Variants in SNTG2 observed in about 807,000 individuals in gnomAD.
The protein encoded by SNTG2 is gamma-2-syntrophin.
Under a neutral mutation model 70.9 loss-of-function variants are expected in SNTG2, and 74 were observed. The observed-to-expected ratio is 1.04, with a 90% confidence interval of 0.86 to 1.27. The LOEUF (loss-of-function observed/expected upper bound fraction) is 1.27. Among genes scored for constraint, SNTG2 ranks in the 50% most tolerant of loss-of-function variants. The pLI is 0.00. For missense variants in SNTG2, 717 were observed against 690.7 expected, an observed-to-expected ratio of 1.04 and a Z score of -0.43; for synonymous variants, 278 against 273.8, an observed-to-expected ratio of 1.02 and a Z score of -0.15.
chr2:1,182,360 C>CAAAAAAAAAAAA (rs10587246), intron 8 of SNTG2, among the ~76,000 whole-genome samples: 1 of 122,058 alleles, frequency 8.2e-6, no homozygotes, highest in Non-Finnish European at 1.6e-5. Context: ...TTAAAAATTT[C>CAAAAAAAAAAAA]AAAAAAAAAA....
intron 1 of SNTG2, among the ~76,000 whole-genome samples, chr2:981,719 C>T (rs1387668102): frequency 2.6e-5 from 4 of 152,252 alleles, no homozygotes; most frequent in South Asian, 2.1e-4. Flanking sequence ...ACAAACAAGT[C>T]GTACACACAT....
intron 1 of SNTG2, among the ~76,000 whole-genome samples, chr2:965,098 T>A (rs189961493): frequency 6.7e-6 from 1 of 148,186 alleles, no homozygotes; most frequent in East Asian, 2.1e-4. Context: ...GGACTCCAGT[T>A]CTCCTCCTTG....
chr2:1,199,710 A>G (rs777951125), intron 8 of SNTG2, among the ~76,000 whole-genome samples: 7 of 152,118 alleles, frequency 4.6e-5, no homozygotes, highest in Non-Finnish European at 8.8e-5. Flanking sequence ...AACCAGTAGT[A>G]TTTCTCAATA....
At position 1,241,771 on chromosome 2, in the gene SNTG2, C is replaced by T. The variant is rs141641756; in HGVS notation, c.888+1995C>T. 3.1e-3 allele frequency among the ~76,000 whole-genome samples: 471 copies of T among 152,234 alleles called. 7 individuals carry two copies. Among genetic ancestry groups the T allele is most frequent in the East Asian group, 4.1e-3 (21 of 5,162 alleles). On this transcript the variant is annotated intron_variant, in intron 11 of 16. Coordinates refer to ENST00000308624, the MANE Select transcript of SNTG2 (RefSeq NM_018968.4). ...TTCCAGAGACCTCAGAGGCAGTGGG[C>T]GGCCTTGTTTTTGCTTCATCTCAGT...
intron 6 of SNTG2, among the ~76,000 whole-genome samples, chr2:1,148,756 G>C (rs1339114718): frequency 1.3e-5 from 2 of 152,172 alleles, no homozygotes; most frequent in African/African-American, 4.8e-5. Flanking sequence ...CTTCCAAGCC[G>C]GACCCACATA....
chr2:1,074,999 T>TA, intron 1 of SNTG2, among the ~76,000 whole-genome samples: 1 of 152,144 alleles, frequency 6.6e-6, no homozygotes. Context: ...TCATTTTAAG[T>TA]AAAAAATCCA....
At chr2:1,087,118 C>T (rs755188311) in intron 2 of SNTG2, among the ~76,000 whole-genome samples, 3 of 152,092 alleles carry the variant, frequency 2.0e-5, no homozygotes, top group Non-Finnish European at 4.4e-5. Flanking sequence ...GACAAGTCTA[C>T]GTAAGTGCTG....
intron 9 of SNTG2, among the ~76,000 whole-genome samples, chr2:1,226,997 T>C (rs1227121755): frequency 6.6e-6 from 1 of 152,256 alleles, no homozygotes; most frequent in African/African-American, 2.4e-5. Context: ...CTTGCTTCCC[T>C]GGACAGAAAG....
At chr2:1,339,280 T>A (rs1027971376) in intron 16 of SNTG2, among the ~76,000 whole-genome samples, 1 of 152,232 alleles carries the variant, frequency 6.6e-6, no homozygotes, top group African/African-American at 2.4e-5. Flanking sequence ...CTAAGATATA[T>A]GATGTGTAAA....
At chr2:1,184,733 C>T (rs1425963026) in intron 8 of SNTG2, among the ~76,000 whole-genome samples, 1 of 152,210 alleles carries the variant, frequency 6.6e-6, no homozygotes, top group Non-Finnish European at 1.5e-5. Context: ...TCAATCACCT[C>T]CCATCAGGCC....
intron 14 of SNTG2, among the ~76,000 whole-genome samples, chr2:1,271,634 T>C (rs1032714218): frequency 6.6e-6 from 1 of 152,088 alleles, no homozygotes; most frequent in African/African-American, 2.4e-5. Context: ...AGTTTTGAGG[T>C]CTAGATTGTG....
intron 14 of SNTG2, among the ~76,000 whole-genome samples, chr2:1,290,294 G>GTTCT (rs1679936451): frequency 1.3e-5 from 2 of 150,126 alleles, no homozygotes; most frequent in South Asian, 4.3e-4. Flanking sequence ...CAGAGAGGGA[G>GTTCT]CATGAAGGGG....
chr2:1,230,110 C>G (rs1192483686), intron 9 of SNTG2, among the ~76,000 whole-genome samples: 1 of 152,218 alleles, frequency 6.6e-6, no homozygotes, highest in Non-Finnish European at 1.5e-5. Flanking sequence ...AGAGGAGGCG[C>G]CGAGAGCGAG....
At chr2:1,076,476 G>C (rs1404584980) in intron 1 of SNTG2, among the ~76,000 whole-genome samples, 1 of 152,142 alleles carries the variant, frequency 6.6e-6, no homozygotes, top group Non-Finnish European at 1.5e-5. Context: ...ATAACAACTT[G>C]CATACATTTT....
At chr2:1,299,615 C>G (rs73177775) in intron 14 of SNTG2, among the ~76,000 whole-genome samples, 2,535 of 152,288 alleles carry the variant, frequency 0.017, 62 homozygotes, top group African/African-American at 0.059. Flanking sequence ...AAATAAGATA[C>G]TGGGGGCTAA....
At chr2:1,289,088 C>T (rs1679885679) in intron 14 of SNTG2, among the ~76,000 whole-genome samples, 1 of 152,072 alleles carries the variant, frequency 6.6e-6, no homozygotes, top group African/African-American at 2.4e-5. Flanking sequence ...GCCATCATCT[C>T]TGCTTGGCTT....
At chr2:1,092,392 G>A (rs1665091548) in intron 2 of SNTG2, among the ~76,000 whole-genome samples, 1 of 152,178 alleles carries the variant, frequency 6.6e-6, no homozygotes, top group Non-Finnish European at 1.5e-5. Context: ...TGGGGAGAGA[G>A]CAGGGGGATT....
At chr2:1,137,837 CTGTT>C (rs1668497464) in intron 6 of SNTG2, 28 bp downstream of exon 6, 1 of 1,575,976 alleles carries the variant, frequency 6.3e-7, no homozygotes, top group Non-Finnish European at 8.7e-7. Context: ...TATAGTTATT[CTGTT>C]TATTATTCTT....
At chr2:1,139,507 A>T (rs1411606953) in intron 6 of SNTG2, among the ~76,000 whole-genome samples, 1 of 152,084 alleles carries the variant, frequency 6.6e-6, no homozygotes, top group Non-Finnish European at 1.5e-5. Context: ...AAGTGCTGGG[A>T]TTACAGGTGT....
Sources: gnomAD v4.1 joint callset for allele counts (sites outside exome capture counted in the v4.1 genomes callset) on GRCh38, gnomAD v4.1.1 for gene constraint, MANE v1.5 for transcripts, NCBI Gene and HGNC (gene_info 2026-07-23, HGNC 2026-07-21) for gene names.